Variants in PTGER3 observed in about 807,000 individuals in gnomAD.
PTGER3 encodes the protein prostaglandin E2 receptor EP3 subtype.
Under a neutral mutation model 34.7 loss-of-function variants are expected in PTGER3, and 22 were observed. The ratio of observed to expected loss-of-function variants is 0.63; its 90% CI spans 0.45 to 0.91. The LOEUF is 0.91. Among genes scored for constraint, PTGER3 ranks in the 40% least tolerant of loss-of-function variants. PTGER3 has a pLI of 0.00. For missense variants in PTGER3, 468 were observed against 519.4 expected, an observed-to-expected ratio of 0.90 and a Z score of 0.96; for synonymous variants, 241 against 230.1, an observed-to-expected ratio of 1.05 and a Z score of -0.43.
rs1245325986 is a variant in PTGER3, at chr1:70,987,878, A to G, written c.1078-13490T>C. ...AGCACTCATTGATTACATATCTTTC[A>G]TGTGTAAGACACTGTGCTAGGCATT... On this transcript the variant is annotated intron_variant, in intron 2 of 3. Transcript: ENST00000306666. 2.6e-5 allele frequency among the ~76,000 whole-genome samples: 4 copies of G among 152,218 alleles called. No individual in the cohort carries two copies. In the East Asian group the frequency reaches 7.7e-4, roughly 29 times the overall value.
chr1:70,922,589 T>C (rs1647639542), intron 4 of PTGER3, among the ~76,000 whole-genome samples: 1 of 151,874 alleles, frequency 6.6e-6, no homozygotes, highest in African/African-American at 2.4e-5. Context: ...TCCACACTAG[T>C]ACATAATTAA....
intron 2 of PTGER3, among the ~76,000 whole-genome samples, chr1:70,990,386 CAT>C (rs34834591): frequency 0.3 from 38,907 of 130,328 alleles, 6,023 homozygotes; most frequent in South Asian, 0.4. Flanking sequence ...CACACACACA[CAT>C]ATATATATAT....
chr1:70,978,607 A>T (rs1442289784), intron 2 of PTGER3, among the ~76,000 whole-genome samples: 1 of 152,108 alleles, frequency 6.6e-6, no homozygotes, highest in African/African-American at 2.4e-5. Flanking sequence ...GCCTTGCAGG[A>T]GTGTGTGCTC....
chr1:70,867,305 T>C (rs11209706), intron 4 of PTGER3, among the ~76,000 whole-genome samples: 16,650 of 152,298 alleles, frequency 0.11, 1,274 homozygotes, highest in Non-Finnish European at 0.16. Context: ...ACCTTTATTA[T>C]GGCACTTATC....
chr1:70,951,820 G>T (rs1215923347), downstream of PTGER3, among the ~76,000 whole-genome samples: 1 of 152,012 alleles, frequency 6.6e-6, no homozygotes, highest in Admixed American at 6.6e-5. Context: ...AAAACAAAAA[G>T]GTAGACAGAC....
At chr1:70,870,155 CA>C (rs1483669211) in intron 4 of PTGER3, among the ~76,000 whole-genome samples, 5 of 152,292 alleles carry the variant, frequency 3.3e-5, no homozygotes, top group African/African-American at 1.2e-4. Context: ...GGCTTAACAC[CA>C]TGTGGAAGCC....
intron 4 of PTGER3, among the ~76,000 whole-genome samples, chr1:70,933,286 G>A (rs1446103913): frequency 1.3e-5 from 2 of 152,046 alleles, no homozygotes; most frequent in African/African-American, 4.8e-5. Context: ...TGTCCTCTCT[G>A]AGTTCTCATA....
At chr1:70,973,983 C>G (rs1181198641) in intron 3 of PTGER3, among the ~76,000 whole-genome samples, 1 of 152,078 alleles carries the variant, frequency 6.6e-6, no homozygotes, top group Non-Finnish European at 1.5e-5. Context: ...TAGGAGTGGC[C>G]TAGCCTTAAC....
At chr1:71,035,142 G>C (rs1659714656) in intron 1 of PTGER3, among the ~76,000 whole-genome samples, 1 of 152,152 alleles carries the variant, frequency 6.6e-6, no homozygotes, top group South Asian at 2.1e-4. Context: ...TCAAATATTA[G>C]ATGAGTTGTT....
At chr1:70,958,823 G>A (rs1651624774) in intron 2 of PTGER3, among the ~76,000 whole-genome samples, 1 of 152,104 alleles carries the variant, frequency 6.6e-6, no homozygotes, top group South Asian at 2.1e-4. Context: ...TTATGTTTGA[G>A]TCTTTAATCC....
In PTGER3 at chr1:71,046,913, G is replaced by T; in HGVS notation, c.665C>A (p.Ser222Ter). ...GAAGAAAAGGTTGCCCCAGTTATGC[G>T]AAGAGCTAGTCCCGTTGCCCCCTCG... Reference protein sequence around the residue: ...TGRGGNGTSSSHNWGNLFFAS... With the variant: ...TGRGGNGTSS Residue 222 changes from serine to a stop codon, truncating the protein, a stop_gained, in exon 1 of 4, where the codon TCG becomes TAG. Coordinates refer to ENST00000306666, the MANE Select transcript of PTGER3 (RefSeq NM_198719.2). LOFTEE classifies it high-confidence loss of function. 1 of 1,611,444 alleles carries T rather than the reference G, an allele frequency of 6.2e-7. No individual in the cohort carries two copies. Among genetic ancestry groups the T allele is most frequent in the Non-Finnish European group, 8.5e-7 (1 of 1,178,902 alleles).
chr1:70,852,792 A>G, exon 5 of PTGER3: 2 of 1,603,060 alleles, frequency 1.2e-6, no homozygotes, highest in Non-Finnish European at 1.7e-6. Flanking sequence ...TTACAAAAAG[A>G]GAGTCATGGA....
chr1:70,960,587 G>A (rs1445759682), intron 2 of PTGER3, among the ~76,000 whole-genome samples: 1 of 152,016 alleles, frequency 6.6e-6, no homozygotes, highest in Non-Finnish European at 1.5e-5. Flanking sequence ...AGAAATGAGA[G>A]ACCATACTAC....
At chr1:70,996,876 A>T (rs1013846506) in intron 2 of PTGER3, among the ~76,000 whole-genome samples, 15 of 151,898 alleles carry the variant, frequency 9.9e-5, no homozygotes, top group African/African-American at 3.6e-4. Context: ...GTTAGCCAGG[A>T]TGGTCTCGAT....
chr1:70,862,016 T>C (rs745670103), intron 4 of PTGER3, among the ~76,000 whole-genome samples: 2 of 151,930 alleles, frequency 1.3e-5, no homozygotes, highest in Non-Finnish European at 2.9e-5. Context: ...AGTTGTTTAA[T>C]CAATGAAAAG....
chr1:70,899,353 C>A (rs1349538990), intron 4 of PTGER3, among the ~76,000 whole-genome samples: 1 of 152,090 alleles, frequency 6.6e-6, no homozygotes, highest in Non-Finnish European at 1.5e-5. Context: ...ATATATAATT[C>A]ACTCCAGGAA....
chr1:71,015,742 G>A (rs1274199059), intron 1 of PTGER3, among the ~76,000 whole-genome samples: 1 of 152,140 alleles, frequency 6.6e-6, no homozygotes, highest in Non-Finnish European at 1.5e-5. Context: ...AGGTAGAGCA[G>A]GTTAAGCAGA....
intron 4 of PTGER3, among the ~76,000 whole-genome samples, chr1:70,882,641 C>T (rs1343088029): frequency 6.6e-6 from 1 of 152,204 alleles, no homozygotes; most frequent in Non-Finnish European, 1.5e-5. Context: ...GACCAGGTGG[C>T]TCTCTACCTC....
chr1:71,034,305 T>G (rs1016532661), intron 1 of PTGER3, among the ~76,000 whole-genome samples: 2 of 152,214 alleles, frequency 1.3e-5, no homozygotes, highest in Non-Finnish European at 1.5e-5. Context: ...TGTGTTCCTT[T>G]TGTCATTTAT....
Sources: gnomAD v4.1 joint callset for allele counts (sites outside exome capture counted in the v4.1 genomes callset) on GRCh38, gnomAD v4.1.1 for gene constraint, MANE v1.5 for transcripts, NCBI Gene and HGNC (gene_info 2026-07-23, HGNC 2026-07-21) for gene names.